Variants in ACTR3C observed in about 807,000 individuals in gnomAD.
The protein encoded by ACTR3C is actin related protein 3C.
ACTR3C carries 18 observed loss-of-function variants against 26.3 expected under a neutral mutation model. The ratio of observed to expected loss-of-function variants is 0.68; its 90% CI spans 0.47 to 1.01. The LOEUF is 1.01. Ranked by LOEUF, ACTR3C falls within the 50% of genes least tolerant of loss-of-function variation. ACTR3C has a pLI of 0.00. For synonymous variants in ACTR3C, 55 were observed against 94.5 expected, an observed-to-expected ratio of 0.58 and a Z score of 2.42; for missense variants, 184 against 250.7, an observed-to-expected ratio of 0.73 and a Z score of 1.80.
At chr7:150,228,023 T>C in the ACTR3C span, among the ~76,000 whole-genome samples, 1 of 152,188 alleles carries the variant, frequency 6.6e-6, no homozygotes, top group Non-Finnish European at 1.5e-5. Flanking sequence ...AGCTTCTGTT[T>C]GTTGATATCT....
chr7:149,993,729 G>A, the ACTR3C span, among the ~76,000 whole-genome samples: 1 of 152,118 alleles, frequency 6.6e-6, no homozygotes, highest in Admixed American at 6.5e-5. Flanking sequence ...ACTCATTGGG[G>A]ACAGTAATTA....
intron 6 of ACTR3C, among the ~76,000 whole-genome samples, chr7:150,258,697 A>G (rs1833413814): frequency 1.3e-5 from 2 of 151,442 alleles, no homozygotes; most frequent in South Asian, 4.2e-4. Context: ...CTGCCAAAAT[A>G]GTAAGTAAAA....
chr7:149,981,421 G>A, the ACTR3C span, among the ~76,000 whole-genome samples: 2 of 151,498 alleles, frequency 1.3e-5, no homozygotes, highest in Non-Finnish European at 3.0e-5. Flanking sequence ...GGAAACTCAC[G>A]AAGGTCACTA....
the ACTR3C span, among the ~76,000 whole-genome samples, chr7:150,171,308 C>A: frequency 1.4e-3 from 208 of 149,814 alleles, 6 homozygotes; most frequent in Admixed American, 0.012. Context: ...AAATTTATAA[C>A]AGCAAGATCG....
At chr7:150,212,404 A>G in the ACTR3C span, among the ~76,000 whole-genome samples, 3 of 148,576 alleles carry the variant, frequency 2.0e-5, no homozygotes, top group South Asian at 4.2e-4. Flanking sequence ...TAAAATGAGG[A>G]CAATTAAAAT....
At chr7:150,019,927 G>T in the ACTR3C span, among the ~76,000 whole-genome samples, 1 of 152,062 alleles carries the variant, frequency 6.6e-6, no homozygotes, top group Non-Finnish European at 1.5e-5. Flanking sequence ...AAAATAAAGG[G>T]TCCAGGGATT....
the ACTR3C span, among the ~76,000 whole-genome samples, chr7:150,228,605 T>C: frequency 9.2e-3 from 1,403 of 152,200 alleles, 24 homozygotes; most frequent in Non-Finnish European, 0.014. Flanking sequence ...AGAGGGGCCA[T>C]GAACCAAGGA....
chr7:150,243,369 G>A (rs1328649277), downstream of ACTR3C, among the ~76,000 whole-genome samples: 1 of 151,810 alleles, frequency 6.6e-6, no homozygotes, highest in African/African-American at 2.4e-5. Context: ...CAAATTTTAG[G>A]ATAACGGTAG....
At chr7:150,186,799 G>C in the ACTR3C span, among the ~76,000 whole-genome samples, 1 of 152,110 alleles carries the variant, frequency 6.6e-6, no homozygotes, top group East Asian at 1.9e-4. Flanking sequence ...TAAATGCCAA[G>C]TATGTGCTGT....
chr7:150,281,158 A>G (rs367744928), intron 6 of ACTR3C, among the ~76,000 whole-genome samples: 3,169 of 151,378 alleles, frequency 0.021, 112 homozygotes, highest in African/African-American at 0.073. Context: ...GGCAAGAGTG[A>G]CCCAGCAGGT....
chr7:149,895,232 G>T, the ACTR3C span, among the ~76,000 whole-genome samples: 5 of 151,604 alleles, frequency 3.3e-5, no homozygotes, highest in Non-Finnish European at 5.9e-5. Flanking sequence ...GGTTACAGGG[G>T]GCTGAGGCTG....
chr7:150,123,288 C>G, the ACTR3C span, among the ~76,000 whole-genome samples: 6 of 151,678 alleles, frequency 4.0e-5, no homozygotes, highest in African/African-American at 1.5e-4. Flanking sequence ...CCTGGAGAAA[C>G]AAAGATAAAC....
chr7:150,249,147 A>G, intron 6 of ACTR3C, 93 bp from the exon 7 acceptor site: 1 of 441,868 alleles, frequency 2.3e-6, no homozygotes, highest in Non-Finnish European at 4.0e-6. Context: ...CCAAGATAAA[A>G]CAGAAAAATG....
the ACTR3C span, among the ~76,000 whole-genome samples, chr7:150,057,390 C>G: frequency 1.3e-5 from 2 of 150,352 alleles, no homozygotes; most frequent in Non-Finnish European, 2.9e-5. Flanking sequence ...AAGTGATTCT[C>G]CTGCCTCAGA....
At chr7:150,056,899 AAAG>A in the ACTR3C span, among the ~76,000 whole-genome samples, 1 of 144,074 alleles carries the variant, frequency 6.9e-6, no homozygotes, top group Non-Finnish European at 1.5e-5. Flanking sequence ...TCTTGGGGTA[AAAG>A]AAGAAGCAGT....
At chr7:150,305,265 T>G (rs1315090800) in intron 1 of ACTR3C, among the ~76,000 whole-genome samples, 6 of 152,098 alleles carry the variant, frequency 3.9e-5, no homozygotes, top group Non-Finnish European at 8.8e-5. Context: ...ACTATACATA[T>G]CTCCTTACAT....
At chr7:149,993,488 G>T in the ACTR3C span, among the ~76,000 whole-genome samples, 1 of 152,164 alleles carries the variant, frequency 6.6e-6, no homozygotes, top group Non-Finnish European at 1.5e-5. Flanking sequence ...AAACCCAGAT[G>T]TTTTAGGAGA....
chr7:150,046,473 C>T, the ACTR3C span, among the ~76,000 whole-genome samples: 1 of 151,544 alleles, frequency 6.6e-6, no homozygotes, highest in South Asian at 2.1e-4. Flanking sequence ...ATGTACTGCC[C>T]TGGGTACGTC....
the ACTR3C span, among the ~76,000 whole-genome samples, chr7:150,035,955 G>C: frequency 1.5e-5 from 2 of 135,676 alleles, no homozygotes; most frequent in African/African-American, 5.4e-5. Context: ...CTCAGAGCCA[G>C]GGCGGGAAGA....
Sources: allele counts gnomAD v4.1 joint callset (sites outside exome capture counted in the v4.1 genomes callset), GRCh38; gene constraint gnomAD v4.1.1; transcripts MANE v1.5; gene names NCBI Gene and HGNC (gene_info 2026-07-23, HGNC 2026-07-21).